Variants in CRISPLD1 observed in about 807,000 individuals in gnomAD.
The protein encoded by CRISPLD1 is cysteine rich secretory protein LCCL domain containing 1, also known as cysteine-rich secretory protein LCCL domain-containing 1.
CRISPLD1 carries 60 observed loss-of-function variants against 77.5 expected under a neutral mutation model. The ratio of observed to expected loss-of-function variants is 0.77; its 90% CI spans 0.63 to 0.96. The LOEUF (loss-of-function observed/expected upper bound fraction) is 0.96, where lower values mean the gene tolerates loss of function less well. Ranked by LOEUF, CRISPLD1 falls within the 40% of genes least tolerant of loss-of-function variation. The probability of loss-of-function intolerance (pLI) is 0.00; values close to 1 mark genes in which losing one functional copy is unlikely to be tolerated. For missense variants in CRISPLD1, 623 were observed against 615.8 expected (o/e 1.01, Z -0.12); for synonymous variants, 195 against 200.1 (o/e 0.97, Z 0.22).
intron 14 of CRISPLD1, among the ~76,000 whole-genome samples, chr8:75,030,927 C>CAT (rs762735758): frequency 1.4e-4 from 21 of 151,716 alleles, no homozygotes; most frequent in East Asian, 7.7e-4. Context: ...TACACATATA[C>CAT]ATATATATAT....
chr8:75,023,071 G>T (rs1471801515), intron 12 of CRISPLD1, among the ~76,000 whole-genome samples: 1 of 111,256 alleles, frequency 9.0e-6, no homozygotes, highest in South Asian at 2.6e-4. Context: ...GCAAATTGTA[G>T]GTAAAAAAAA....
chr8:75,002,168 T>G (rs1257153494), intron 2 of CRISPLD1, among the ~76,000 whole-genome samples: 1 of 151,994 alleles, frequency 6.6e-6, no homozygotes, highest in Non-Finnish European at 1.5e-5. Flanking sequence ...AATTATAAGA[T>G]TATTTACTCT....
chr8:74,991,098 T>C (rs182480639), intron 2 of CRISPLD1, among the ~76,000 whole-genome samples: 24 of 152,126 alleles, frequency 1.6e-4, no homozygotes, highest in African/African-American at 5.8e-4. Context: ...GTTTAAGCGA[T>C]TCTCCTGCCT....
At chr8:75,013,847 C>A (rs145252610) in intron 4 of CRISPLD1, 140 bp from the exon 5 acceptor site, 2 of 594,148 alleles carry the variant, frequency 3.4e-6, no homozygotes, top group Non-Finnish European at 6.0e-6. Context: ...GGAAAAAGAC[C>A]CTTTTTGATT....
In CRISPLD1 at chr8:75,033,979, T is replaced by C. The variant is rs552172525; in HGVS notation, c.*1737T>C. 40 of 152,188 alleles carry C rather than the reference T, an allele frequency of 2.6e-4. No homozygotes were observed. Among genetic ancestry groups the C allele is most frequent in the African/African-American group, 8.9e-4 (37 of 41,574 alleles). The allele number at this position is 152,188 out of a possible 1,614,324, so 9.4% of individuals were successfully genotyped here. A position where few individuals can be genotyped will look rare whatever the true frequency, so the allele number is the denominator to read the frequency against. ...CTCCTCCCACAACAGGGAAGCCCGA[T>C]CAGTTCTGTCAGTATAAGGTTTTCT... On this transcript the variant is annotated 3_prime_UTR_variant, in exon 15 of 15. Transcript: ENST00000262207.
At chr8:74,996,568 G>T (rs1812648336) in intron 2 of CRISPLD1, among the ~76,000 whole-genome samples, 1 of 151,942 alleles carries the variant, frequency 6.6e-6, no homozygotes. Context: ...CATCATTCTA[G>T]GCAGGAGAAA....
chr8:75,024,381 A>G (rs1311834231), intron 12 of CRISPLD1, among the ~76,000 whole-genome samples: 1 of 152,134 alleles, frequency 6.6e-6, no homozygotes, highest in Non-Finnish European at 1.5e-5. Context: ...GCTGGAGTGC[A>G]GTGGCATGAT....
At chr8:74,985,682 C>T (rs1375744688) in intron 1 of CRISPLD1, among the ~76,000 whole-genome samples, 5 of 150,072 alleles carry the variant, frequency 3.3e-5, no homozygotes, top group Non-Finnish European at 4.5e-5. Context: ...TTACTTTTGG[C>T]CTCAGGGGTA....
At chr8:74,994,577 A>G (rs888411035) in intron 2 of CRISPLD1, among the ~76,000 whole-genome samples, 1 of 152,080 alleles carries the variant, frequency 6.6e-6, no homozygotes, top group Admixed American at 6.5e-5. Context: ...GTGGAACCCA[A>G]CCTCTGTCTC....
At chr8:75,027,989 A>T (rs543828766) in intron 13 of CRISPLD1, among the ~76,000 whole-genome samples, 1 of 152,328 alleles carries the variant, frequency 6.6e-6, no homozygotes, top group South Asian at 2.1e-4. Flanking sequence ...CAGGCAATAC[A>T]ATAGTCTCAA....
chr8:75,015,255 A>C (rs887011035), intron 6 of CRISPLD1, among the ~76,000 whole-genome samples: 1 of 152,228 alleles, frequency 6.6e-6, no homozygotes, highest in South Asian at 2.1e-4. Flanking sequence ...TAAAGGATTT[A>C]GCAATTTAAC....
chr8:75,017,658 C>T (rs1414517656), intron 10 of CRISPLD1, among the ~76,000 whole-genome samples: 1 of 152,084 alleles, frequency 6.6e-6, no homozygotes, highest in Non-Finnish European at 1.5e-5. Context: ...AATGGGCATG[C>T]TAAAACTCCA....
At chr8:75,014,768 A>G in intron 5 of CRISPLD1, 44 bp from the exon 6 acceptor site, 1 of 1,234,814 alleles carries the variant, frequency 8.1e-7, no homozygotes, top group Non-Finnish European at 1.2e-6. Context: ...TTTATAAATT[A>G]TGCCATTAGA....
intron 2 of CRISPLD1, among the ~76,000 whole-genome samples, chr8:75,001,188 T>C (rs191309829): frequency 1.6e-4 from 24 of 152,352 alleles, no homozygotes; most frequent in Non-Finnish European, 3.1e-4. Flanking sequence ...AACACAATTT[T>C]ATATAAAACA....
In CRISPLD1 at chr8:75,009,256, T is replaced by C. The variant is rs545221493; in HGVS notation, c.259-3177T>C. Among the ~76,000 whole-genome samples the C allele has an allele frequency of 5.9e-5, 9 of 152,092 alleles. No individual in the cohort carries two copies. In the South Asian group the frequency reaches 1.9e-3, roughly 32 times the overall value. ...TCTGGAGTTCTCTCCATATTTTCTT[T>C]CCAGCTACCTATTCATGGTAACTGG... On this transcript the variant is annotated intron_variant, in intron 2 of 14. Coordinates refer to ENST00000262207, the MANE Select transcript of CRISPLD1 (RefSeq NM_031461.6).
At chr8:74,993,690 T>C (rs752524701) in intron 2 of CRISPLD1, among the ~76,000 whole-genome samples, 28 of 152,310 alleles carry the variant, frequency 1.8e-4, no homozygotes, top group Non-Finnish European at 3.5e-4. Flanking sequence ...ATCTAGGGGT[T>C]TAGAAAGACA....
At chr8:75,031,481 A>G (rs1032261839) in intron 14 of CRISPLD1, among the ~76,000 whole-genome samples, 2 of 152,052 alleles carry the variant, frequency 1.3e-5, no homozygotes, top group African/African-American at 2.4e-5. Context: ...AAATAAATAT[A>G]AACAATTTAA....
In CRISPLD1 at chr8:75,029,432, A is replaced by T; in HGVS notation, c.1366A>T (p.Asn456Tyr). The change falls in exon 14 of 15, where the codon AAT (asparagine) becomes TAT (tyrosine). Residue 456 changes from asparagine to tyrosine, a missense_variant. Physicochemically the swap from Asn to Tyr is moderately radical, Grantham distance 143. Transcript: ENST00000262207. ...RAAVHAGVVR[N>Y]HGGYVDVMPV... ...AGCAGTACATGCTGGAGTGGTTCGA[A>T]ATCACGGTGGTTATGTTGATGTAAT... 1.2e-6 allele frequency: 2 copies of T among 1,613,796 alleles called. No homozygotes were observed. The highest frequency in any genetic ancestry group is 1.7e-6 in the Non-Finnish European group (2 of 1,179,794).
At chr8:75,001,862 G>A (rs533375205) in intron 2 of CRISPLD1, among the ~76,000 whole-genome samples, 6 of 152,098 alleles carry the variant, frequency 3.9e-5, no homozygotes, top group Admixed American at 3.3e-4. Flanking sequence ...ATGATGAAAC[G>A]TTTTATTTGA....
Sources: gnomAD v4.1 joint callset for allele counts (sites outside exome capture counted in the v4.1 genomes callset) on GRCh38, gnomAD v4.1.1 for gene constraint, MANE v1.5 for transcripts, NCBI Gene and HGNC (gene_info 2026-07-23, HGNC 2026-07-21) for gene names.